Variants in GTF2E2 observed in about 807,000 individuals in gnomAD.
The protein encoded by GTF2E2 is general transcription factor IIE subunit 2.
Under a neutral mutation model 40.5 loss-of-function variants are expected in GTF2E2, and 21 were observed. That is an observed-to-expected ratio of 0.52 (90% CI 0.37 to 0.75). The LOEUF (loss-of-function observed/expected upper bound fraction) is 0.75, where lower values mean the gene tolerates loss of function less well. GTF2E2 is among the 30% of genes least tolerant of loss of function. The pLI is 0.00. For missense variants in GTF2E2, 298 were observed against 338.4 expected, an observed-to-expected ratio of 0.88 and a Z score of 0.94; for synonymous variants, 117 against 121.6, an observed-to-expected ratio of 0.96 and a Z score of 0.25.
At chr8:30,634,496 A>G (rs191907161) in intron 3 of GTF2E2, among the ~76,000 whole-genome samples, 14 of 152,300 alleles carry the variant, frequency 9.2e-5, no homozygotes, top group Non-Finnish European at 1.2e-4. Context: ...CCAAAATCTT[A>G]TATGATCAAA....
chr8:30,629,521 C>G (rs1801377717), intron 3 of GTF2E2, among the ~76,000 whole-genome samples: 2 of 151,716 alleles, frequency 1.3e-5, no homozygotes, highest in African/African-American at 4.8e-5. Context: ...CCCGTCTCTA[C>G]TAAAAAAATA....
At chr8:30,630,299 A>T (rs1243945836) in intron 3 of GTF2E2, among the ~76,000 whole-genome samples, 1 of 152,116 alleles carries the variant, frequency 6.6e-6, no homozygotes, top group African/African-American at 2.4e-5. Context: ...ATGACTCTGA[A>T]GTTCCTGTAT....
rs1365756551 is a variant in GTF2E2 at position 30,597,411 on chromosome 8, A to G, written c.643+9646T>C. 3 of 152,362 alleles carry G rather than the reference A, an allele frequency of 2.0e-5. No homozygotes were observed. The East Asian group carries it at 5.8e-4, about 29-fold the overall frequency. The allele number at this position is 152,362 out of a possible 1,614,324, so 9.4% of individuals were successfully genotyped here. The stretch of plus-strand genomic sequence containing the variant: ...CCTTGCCTCAATCTTTTTTGTAAGC[A>G]TCCAATGAAATCTGTGGAGAAGAGC... On this transcript the variant is annotated intron_variant, in intron 6 of 7. Transcript: ENST00000355904.
intron 6 of GTF2E2, among the ~76,000 whole-genome samples, chr8:30,590,831 C>CA (rs1828825912): frequency 6.6e-6 from 1 of 151,994 alleles, no homozygotes; most frequent in Non-Finnish European, 1.5e-5. Context: ...GCTGGGATTA[C>CA]AGATGGGGAC....
At chr8:30,617,187 C>A (rs1425632947) in intron 3 of GTF2E2, among the ~76,000 whole-genome samples, 4 of 152,172 alleles carry the variant, frequency 2.6e-5, no homozygotes, top group Non-Finnish European at 5.9e-5. Flanking sequence ...GGGCTTCAGT[C>A]AGGCCCTGGA....
At chr8:30,646,478 C>T (rs1020614892) in intron 2 of GTF2E2, among the ~76,000 whole-genome samples, 3 of 151,986 alleles carry the variant, frequency 2.0e-5, no homozygotes, top group African/African-American at 7.3e-5. Context: ...ATTTTGCTAT[C>T]ACCCATGAGC....
intron 3 of GTF2E2, among the ~76,000 whole-genome samples, chr8:30,633,673 T>TA (rs1187872561): frequency 2.0e-5 from 3 of 152,184 alleles, no homozygotes; most frequent in Non-Finnish European, 4.4e-5. Context: ...ACATGACACT[T>TA]AAATGTCAGT....
At chr8:30,610,536 AACCTTCAC>A (rs1446753281) in intron 5 of GTF2E2, among the ~76,000 whole-genome samples, 1 of 152,114 alleles carries the variant, frequency 6.6e-6, no homozygotes, top group Non-Finnish European at 1.5e-5. Flanking sequence ...CCCAGAAATA[AACCTTCAC>A]ATATATGGTC....
At chr8:30,600,426 A>G (rs572264806) in intron 6 of GTF2E2, among the ~76,000 whole-genome samples, 1 of 152,284 alleles carries the variant, frequency 6.6e-6, no homozygotes, top group South Asian at 2.1e-4. Context: ...AGTTCCAAGC[A>G]CTTTTATTTA....
At chr8:30,584,553 G>A (rs1828618134) in intron 6 of GTF2E2, 2 of 152,142 alleles carry the variant, frequency 1.3e-5, no homozygotes, top group Non-Finnish European at 2.9e-5. Flanking sequence ...GAAAAGAGGA[G>A]AAAACAGACT....
At chr8:30,605,133 G>A (rs996112491) in intron 6 of GTF2E2, among the ~76,000 whole-genome samples, 7 of 152,128 alleles carry the variant, frequency 4.6e-5, no homozygotes, top group East Asian at 3.9e-4. Flanking sequence ...TCAACCACCC[G>A]CCTCAAGTTA....
At chr8:30,582,004 T>C (rs1363418468) in intron 6 of GTF2E2, among the ~76,000 whole-genome samples, 1 of 152,228 alleles carries the variant, frequency 6.6e-6, no homozygotes, top group Non-Finnish European at 1.5e-5. Context: ...CAGACTGTTT[T>C]CTTTTTTTAA....
intron 2 of GTF2E2, among the ~76,000 whole-genome samples, chr8:30,649,042 G>A (rs1802191201): frequency 6.6e-6 from 1 of 152,210 alleles, no homozygotes; most frequent in Admixed American, 6.5e-5. Context: ...AAAGGCTCAA[G>A]TGGCTTAAGC....
intron 3 of GTF2E2, among the ~76,000 whole-genome samples, chr8:30,624,170 T>C (rs1801197900): frequency 6.6e-6 from 1 of 152,146 alleles, no homozygotes; most frequent in Non-Finnish European, 1.5e-5. Context: ...CTTTAATCCA[T>C]CTTGAATTAA....
chr8:30,589,953 T>C lies in GTF2E2; in HGVS notation c.644-9557A>G, dbSNP rs564973478. Among the ~76,000 whole-genome samples, 7 of 152,342 alleles carry C rather than the reference T, an allele frequency of 4.6e-5. No homozygotes were observed. In the East Asian group the frequency reaches 1.2e-3, roughly 25 times the overall value. ...ACAACTACTTTAAATTGTCCTTTTA[T>C]TTTACTAAGGTATAATTTATGAAAA... On this transcript the variant is annotated intron_variant, in intron 6 of 7. Coordinates refer to ENST00000355904, the MANE Select transcript of GTF2E2 (RefSeq NM_002095.6).
chr8:30,637,540 T>C (rs1415160125), intron 2 of GTF2E2, among the ~76,000 whole-genome samples: 2 of 151,582 alleles, frequency 1.3e-5, no homozygotes, highest in South Asian at 2.1e-4. Context: ...TTTATTTTAT[T>C]TGAGATGGAG....
At chr8:30,624,482 C>T (rs535694694) in intron 3 of GTF2E2, among the ~76,000 whole-genome samples, 1 of 152,246 alleles carries the variant, frequency 6.6e-6, no homozygotes, top group East Asian at 1.9e-4. Context: ...TTAGGACTGA[C>T]TTCACAATGC....
chr8:30,602,232 G>T (rs1030967311), intron 6 of GTF2E2, among the ~76,000 whole-genome samples: 4 of 151,970 alleles, frequency 2.6e-5, no homozygotes, highest in Non-Finnish European at 5.9e-5. Flanking sequence ...TGACCAGGCT[G>T]GTCTTGAAAT....
At chr8:30,586,543 TAA>T (rs1828690692) in intron 6 of GTF2E2, among the ~76,000 whole-genome samples, 1 of 152,142 alleles carries the variant, frequency 6.6e-6, no homozygotes, top group Non-Finnish European at 1.5e-5. Flanking sequence ...AAAATAATTC[TAA>T]AAGTCTAATG....
Sources: gnomAD v4.1 joint callset for allele counts (sites outside exome capture counted in the v4.1 genomes callset) on GRCh38, gnomAD v4.1.1 for gene constraint, MANE v1.5 for transcripts, NCBI Gene and HGNC (gene_info 2026-07-23, HGNC 2026-07-21) for gene names.